VPS13B: variants seen among roughly 807,000 people sequenced by gnomAD.
VPS13B encodes intermembrane lipid transfer protein VPS13B.
Under a neutral mutation model 426.4 loss-of-function variants are expected in VPS13B, and 285 were observed. The ratio of observed to expected loss-of-function variants is 0.67; its 90% confidence interval spans 0.61 to 0.74. The LOEUF (loss-of-function observed/expected upper bound fraction) is 0.74. Among genes scored for constraint, VPS13B ranks in the 30% least tolerant of loss-of-function variants. VPS13B has a pLI of 0.00. For synonymous variants in VPS13B, 1,676 were observed against 1,676.4 expected, an observed-to-expected ratio of 1.00 and a Z score of 0.01; for missense variants, 4,537 against 4,782.6, an observed-to-expected ratio of 0.95 and a Z score of 1.51.
chr8:99,182,812 C>T (rs1813015027), intron 16 of VPS13B, among the ~76,000 whole-genome samples: 1 of 152,240 alleles, frequency 6.6e-6, no homozygotes, highest in South Asian at 2.1e-4. Flanking sequence ...TCTCAGCTCA[C>T]TGCAACCTCT....
chr8:99,525,021 T>A (rs1822572001), intron 30 of VPS13B, among the ~76,000 whole-genome samples: 1 of 152,182 alleles, frequency 6.6e-6, no homozygotes, highest in South Asian at 2.1e-4. Context: ...AGACCTGTCC[T>A]ACAAGAAATG....
intron 35 of VPS13B, among the ~76,000 whole-genome samples, chr8:99,676,531 T>G (rs1338517401): frequency 6.6e-6 from 1 of 151,810 alleles, no homozygotes; most frequent in Non-Finnish European, 1.5e-5. Context: ...TTCCTTCTAG[T>G]TCCCCCAAGC....
rs754287195 is a variant in VPS13B, at chr8:99,823,904, A to G, written c.9256A>G (p.Ile3086Val). 1 of 1,613,612 alleles carries G rather than the reference A, an allele frequency of 6.2e-7. No individual in the cohort carries two copies. Among genetic ancestry groups the G allele is most frequent in the Non-Finnish European group, 8.5e-7 (1 of 1,179,776 alleles). ...TATTCAGATTGAAGACAAGACTACA[A>G]TAATCAATAATACACCATATCAAAT... Reference protein sequence around the residue: ...QIIQIEDKTTIINNTPYQIFY... With the variant: ...QIIQIEDKTTVINNTPYQIFY... Residue 3086 changes from isoleucine to valine, a missense_variant, in exon 51 of 62, where the codon ATA becomes GTA. By Grantham distance (29) the Ile-to-Val change is conservative. Around this residue, in one of 2 missense-constraint regions of VPS13B, gnomAD observed 4,311 missense variants for 4,474.3 expected, o/e 0.96. Coordinates refer to ENST00000357162, the MANE Select transcript of VPS13B (RefSeq NM_152564.5).
At chr8:99,459,363 G>A (rs1818708744) in intron 23 of VPS13B, among the ~76,000 whole-genome samples, 2 of 152,098 alleles carry the variant, frequency 1.3e-5, no homozygotes, top group African/African-American at 2.4e-5. Flanking sequence ...GTCTATTTTA[G>A]CATTTAAATT....
rs1270669795 is a variant in VPS13B, at chr8:99,284,067, T to G, written c.2824+8813T>G. ...CCAAAAAGTTTAATAAATATCTTATTGTAAAAACAATATTTTCAAGTACTA... is the reference window on the plus strand; with the variant it reads ...CCAAAAAGTTTAATAAATATCTTATGGTAAAAACAATATTTTCAAGTACTA... On this transcript the variant is annotated intron_variant, in intron 19 of 61. Transcript: ENST00000357162. Among the ~76,000 whole-genome samples, 5 of 152,198 alleles carry G rather than the reference T, an allele frequency of 3.3e-5. No individual in the cohort carries two copies. In the East Asian group the frequency reaches 9.6e-4, roughly 29 times the overall value.
intron 3 of VPS13B, among the ~76,000 whole-genome samples, chr8:99,067,819 C>G (rs1376908161): frequency 2.0e-5 from 3 of 152,098 alleles, no homozygotes; most frequent in Admixed American, 6.6e-5. Context: ...TTCTTTTGTG[C>G]TTTACCGCAA....
chr8:99,249,716 C>T (rs1588173641), intron 17 of VPS13B, among the ~76,000 whole-genome samples: 1 of 152,274 alleles, frequency 6.6e-6, no homozygotes, highest in East Asian at 1.9e-4. Flanking sequence ...AGCCACCGCG[C>T]CCGGCCTGAA....
intron 21 of VPS13B, among the ~76,000 whole-genome samples, chr8:99,416,146 C>T (rs1326228441): frequency 6.6e-6 from 1 of 152,136 alleles, no homozygotes. Context: ...GTAGTCTGGC[C>T]ACAGTGGCTT....
In VPS13B at chr8:99,285,729, C is replaced by T. The variant is rs373459476; in HGVS notation, c.2824+10475C>T. On this transcript the variant is annotated intron_variant, in intron 19 of 61. Coordinates refer to ENST00000357162, the MANE Select transcript of VPS13B (RefSeq NM_152564.5). ...GGCTGTATAGTAGCTTTCATATAGG[C>T]CAAAAGAGGAGTTGCTTTATAAAAC... Among the ~76,000 whole-genome samples, 12 of 152,172 alleles carry T rather than the reference C, an allele frequency of 7.9e-5. No individual in the cohort carries two copies. The East Asian group carries it at 1.9e-3, about 24-fold the overall frequency.
chr8:99,419,078 C>T (rs1007466945), intron 21 of VPS13B, among the ~76,000 whole-genome samples: 7 of 152,276 alleles, frequency 4.6e-5, no homozygotes, highest in Non-Finnish European at 7.4e-5. Flanking sequence ...GTAATCCCCA[C>T]GTGTTGAAGG....
chr8:99,559,792 C>G (rs1824800948), intron 31 of VPS13B, among the ~76,000 whole-genome samples: 1 of 152,126 alleles, frequency 6.6e-6, no homozygotes, highest in South Asian at 2.1e-4. Flanking sequence ...CAGTACCATG[C>G]TGTTTTGGTT....
intron 31 of VPS13B, among the ~76,000 whole-genome samples, chr8:99,566,667 T>C (rs1281636735): frequency 1.3e-5 from 2 of 152,206 alleles, no homozygotes; most frequent in African/African-American, 2.4e-5. Context: ...GGTCTTGAAC[T>C]CCTGACCTCA....
rs1196643031 is a variant in VPS13B, at chr8:99,818,880, C to G, written c.8613C>G (p.Phe2871Leu). ...IEPDLVHHLT[F>L]QAREEYDPSD... ...CTGACCTTGTACATCACCTGACATT[C>G]CAAGCAAGGTACTAGAAAAATCCTT... The change falls in exon 47 of 62, where the codon TTC becomes TTG. Residue 2871 changes from phenylalanine (F) to leucine (L), a missense_variant. By Grantham distance (22) the Phe-to-Leu change is conservative (BLOSUM62 0). This residue lies in a region of VPS13B where 4,311 missense variants were observed against 4,474.3 expected (regional missense o/e 0.96). Transcript: ENST00000357162. 2 of 1,609,846 alleles carry G rather than the reference C, an allele frequency of 1.2e-6. No homozygotes were observed. Among genetic ancestry groups the G allele is most frequent in the Non-Finnish European group, 1.7e-6 (2 of 1,178,024 alleles).
chr8:99,028,851 CCCTTAAGTTAGCGCTTATGGGGGCTGA>C (rs1563492374), intron 2 of VPS13B, among the ~76,000 whole-genome samples: 2 of 132 alleles, frequency 0.015, no homozygotes, highest in Non-Finnish European at 0.016. Context: ...GGGGGCTGAC[CCCTTAAGTTAGCGCTTATGGGGGCTGA>C]CCCCCCCCAC....
At position 99,515,767 on chromosome 8, in the gene VPS13B, C is replaced by T. The variant is rs563336593; in HGVS notation, c.4633+4255C>T. On this transcript the variant is annotated intron_variant, in intron 29 of 61. Coordinates refer to ENST00000357162, the MANE Select transcript of VPS13B (RefSeq NM_152564.5). Reference sequence around the variant, plus strand: ...GATTCCATACCTTTAAAATAGTAAGCGATGTCTAATTGCCTTCCTAAATGG... The same window carrying T: ...GATTCCATACCTTTAAAATAGTAAGTGATGTCTAATTGCCTTCCTAAATGG... 3.3e-5 allele frequency among the ~76,000 whole-genome samples: 5 copies of T among 151,976 alleles called. No homozygotes were observed. In the East Asian group the frequency reaches 5.8e-4, roughly 18 times the overall value.
chr8:99,819,832 C>A, intron 48 of VPS13B, 89 bp from the exon 49 acceptor site: 1 of 1,502,260 alleles, frequency 6.7e-7, no homozygotes, highest in Non-Finnish European at 9.2e-7. Flanking sequence ...CATGCAGGAG[C>A]ATGGTGTGTT....
At position 99,384,252 on chromosome 8, in the gene VPS13B, G is replaced by A. The variant is rs1215040847; in HGVS notation, c.2869G>A (p.Asp957Asn). ...CSIQGLAVNI[D>N]PILYTWLIYQ... The stretch of plus-strand genomic sequence containing the variant: ...TATACAAGGACTAGCAGTTAATATT[G>A]ACCCAATCTTATATACGTGGCTCAT... The change falls in exon 20 of 62, where the codon GAC (aspartate) becomes AAC (asparagine). Residue 957 changes from aspartate (D) to asparagine (N), a missense_variant. Transcript: ENST00000357162. 6.2e-7 allele frequency: 1 copy of A among 1,613,776 alleles called. No homozygotes were observed. The highest frequency in any genetic ancestry group is 8.5e-7 in the Non-Finnish European group (1 of 1,179,944).
At chr8:99,425,927 A>T (rs1056911991) in intron 21 of VPS13B, among the ~76,000 whole-genome samples, 1 of 152,146 alleles carries the variant, frequency 6.6e-6, no homozygotes, top group African/African-American at 2.4e-5. Flanking sequence ...ATTTTTTATT[A>T]TACTTTAAGT....
At chr8:99,100,885 A>G (rs998039795) in intron 4 of VPS13B, among the ~76,000 whole-genome samples, 1 of 151,886 alleles carries the variant, frequency 6.6e-6, no homozygotes, top group Non-Finnish European at 1.5e-5. Flanking sequence ...TACTAAAAAA[A>G]ATACAAAAAT....
Sources: allele counts gnomAD v4.1 joint callset (sites outside exome capture counted in the v4.1 genomes callset), GRCh38; gene constraint gnomAD v4.1.1; regional missense constraint gnomAD v4.1.1; transcripts MANE v1.5; gene names NCBI Gene and HGNC (gene_info 2026-07-23, HGNC 2026-07-21).